The following SEM1 variants were observed in gnomAD, a reference collection of about 807,000 sequenced individuals.
The protein encoded by SEM1 is SEM1 26S proteasome subunit.
Under a neutral mutation model 12.7 loss-of-function variants are expected in SEM1, and 3 were observed. The ratio of observed to expected loss-of-function variants is 0.24; its 90% CI spans 0.11 to 0.61. The LOEUF (loss-of-function observed/expected upper bound fraction) is 0.61. SEM1 is among the 20% of genes least tolerant of loss of function. The pLI, the probability that SEM1 is intolerant of heterozygous loss-of-function variation, is 0.88. For synonymous variants in SEM1, 30 were observed against 27.8 expected, an observed-to-expected ratio of 1.08 and a Z score of -0.25; for missense variants, 59 against 81.3, an observed-to-expected ratio of 0.73 and a Z score of 1.06.
chr7:96,532,432 CA>C (rs1262893138), intron 2 of SEM1, among the ~76,000 whole-genome samples: 1 of 152,228 alleles, frequency 6.6e-6, no homozygotes, highest in East Asian at 1.9e-4. Flanking sequence ...TGGAGCATTA[CA>C]AAATAAACAA....
At chr7:96,681,196 G>A (rs1205788080) in intron 2 of SEM1, among the ~76,000 whole-genome samples, 3 of 152,094 alleles carry the variant, frequency 2.0e-5, no homozygotes, top group Admixed American at 6.6e-5. Flanking sequence ...AGATTGGCAG[G>A]AGCCAGACTA....
intron 2 of SEM1, among the ~76,000 whole-genome samples, chr7:96,592,672 G>A (rs966864146): frequency 6.6e-6 from 1 of 151,672 alleles, no homozygotes; most frequent in Non-Finnish European, 1.5e-5. Flanking sequence ...TGTAGGAGCA[G>A]AGATTTAGAA....
At chr7:96,704,476 T>C (rs1372377588) in intron 1 of SEM1, among the ~76,000 whole-genome samples, 1 of 152,188 alleles carries the variant, frequency 6.6e-6, no homozygotes, top group Non-Finnish European at 1.5e-5. Context: ...GCTGAAAGTT[T>C]ATGAATGGTA....
chr7:96,576,115 G>A (rs185120103), intron 2 of SEM1, among the ~76,000 whole-genome samples: 36 of 152,250 alleles, frequency 2.4e-4, no homozygotes, highest in Non-Finnish European at 2.4e-4. Context: ...TCTTTGCTGT[G>A]AATTCAATCT....
chr7:96,571,763 G>A (rs919422843), intron 2 of SEM1, among the ~76,000 whole-genome samples: 1 of 151,768 alleles, frequency 6.6e-6, no homozygotes, highest in Non-Finnish European at 1.5e-5. Flanking sequence ...TTCTTTTTTT[G>A]TTGTGTCTGT....
chr7:96,575,381 C>A (rs1222744888), intron 2 of SEM1, among the ~76,000 whole-genome samples: 1 of 152,162 alleles, frequency 6.6e-6, no homozygotes, highest in Non-Finnish European at 1.5e-5. Flanking sequence ...AGCCAGAGCT[C>A]TCCTCTATGA....
chr7:96,590,571 A>G (rs758864917), intron 2 of SEM1, among the ~76,000 whole-genome samples: 1 of 152,262 alleles, frequency 6.6e-6, no homozygotes, highest in Non-Finnish European at 1.5e-5. Context: ...TAATTGGGTC[A>G]TGAAAGATAG....
chr7:96,659,913 CA>C (rs71529826), intron 2 of SEM1, among the ~76,000 whole-genome samples: 135 of 66,700 alleles, frequency 2.0e-3, no homozygotes, highest in East Asian at 5.8e-3. Context: ...AGTAAGATGG[CA>C]AAAAAAAAAA....
At chr7:96,638,868 G>C (rs556820095) in intron 2 of SEM1, among the ~76,000 whole-genome samples, 1 of 151,978 alleles carries the variant, frequency 6.6e-6, no homozygotes, top group South Asian at 2.1e-4. Context: ...TCTATAGCCA[G>C]ACTTCCTGGA....
chr7:96,694,899 T>G lies in SEM1; in HGVS notation c.77-8A>C, dbSNP rs201502099. 1 of 1,572,574 alleles carries G rather than the reference T, an allele frequency of 6.4e-7. No homozygotes were observed. Among genetic ancestry groups the G allele is most frequent in the Non-Finnish European group, 8.7e-7 (1 of 1,143,962 alleles). ...CATCTAAGCCAGCCCAGTCTAAAAA[T>G]AGAAACAGATGCTGTCTAAATATTT... On this transcript the variant is annotated splice_region_variant and splice_polypyrimidine_tract_variant and intron_variant, in intron 1 of 2. Coordinates refer to ENST00000248566, the MANE Select transcript of SEM1 (RefSeq NM_006304.2).
At chr7:96,501,129 T>C (rs551421561), upstream of SEM1, among the ~76,000 whole-genome samples, 5 of 152,242 alleles carry the variant, frequency 3.3e-5, no homozygotes, top group South Asian at 2.1e-4. Flanking sequence ...ACGTTCTAAG[T>C]AATGGCCAAG....
chr7:96,708,800 G>C (rs1371988208), intron 1 of SEM1, among the ~76,000 whole-genome samples: 1 of 152,122 alleles, frequency 6.6e-6, no homozygotes, highest in African/African-American at 2.4e-5. Flanking sequence ...CAATACTGAG[G>C]CCTACTTCTT....
At chr7:96,519,002 C>G (rs530823973) in intron 2 of SEM1, among the ~76,000 whole-genome samples, 1 of 152,116 alleles carries the variant, frequency 6.6e-6, no homozygotes, top group Non-Finnish European at 1.5e-5. Flanking sequence ...TTCCATGTAA[C>G]ACACATGTGC....
intron 2 of SEM1, among the ~76,000 whole-genome samples, chr7:96,679,501 A>T (rs1789541720): frequency 6.6e-6 from 1 of 152,080 alleles, no homozygotes; most frequent in Non-Finnish European, 1.5e-5. Flanking sequence ...TTGGTGATCG[A>T]TTTGTTGAAG....
intron 2 of SEM1, among the ~76,000 whole-genome samples, chr7:96,635,036 T>A (rs1563092050): frequency 6.6e-6 from 1 of 151,706 alleles, no homozygotes; most frequent in Non-Finnish European, 1.5e-5. Flanking sequence ...CCTATCAGAG[T>A]AGTCTGGGAA....
At chr7:96,541,781 G>T (rs1381762076) in intron 2 of SEM1, among the ~76,000 whole-genome samples, 4 of 151,450 alleles carry the variant, frequency 2.6e-5, no homozygotes, top group Admixed American at 6.6e-5. Context: ...TATGGTAAAA[G>T]GTAGGTGCTG....
At chr7:96,495,542 A>G (rs1803206856) in intron 1 of SEM1, among the ~76,000 whole-genome samples, 1 of 152,174 alleles carries the variant, frequency 6.6e-6, no homozygotes, top group Admixed American at 6.5e-5. Context: ...ATATTTAATT[A>G]ACAATACTCT....
chr7:96,584,507 G>A lies in SEM1; in HGVS notation c.171-77809C>T, dbSNP rs189396624. Among the ~76,000 whole-genome samples, 10 of 152,074 alleles carry A rather than the reference G, an allele frequency of 6.6e-5. No homozygotes were observed. In the South Asian group the frequency reaches 1.9e-3, roughly 28 times the overall value. On this transcript the variant is annotated intron_variant and NMD_transcript_variant, in intron 2 of 3. Coordinates refer to the SEM1 transcript ENST00000466986. ...TTCTCTCTATTTCCTGAATCTGAAC[G>A]TTGGCCTGCCTTGCTAGATTGGGGA... is the stretch of plus-strand genomic sequence containing the variant.
At chr7:96,565,234 T>C (rs1480080410) in intron 2 of SEM1, among the ~76,000 whole-genome samples, 1 of 151,932 alleles carries the variant, frequency 6.6e-6, no homozygotes, top group Non-Finnish European at 1.5e-5. Context: ...TGTCATTCCA[T>C]ATACTAAAAG....
Sources: gnomAD v4.1 joint callset for allele counts (sites outside exome capture counted in the v4.1 genomes callset) on GRCh38, gnomAD v4.1.1 for gene constraint, MANE v1.5 for transcripts, NCBI Gene and HGNC (gene_info 2026-07-23, HGNC 2026-07-21) for gene names.